CRISPLD2: variants seen among roughly 807,000 people sequenced by gnomAD.
CRISPLD2 encodes cysteine rich secretory protein LCCL domain containing 2.
Under a neutral mutation model 71.1 loss-of-function variants are expected in CRISPLD2, and 47 were observed. The observed-to-expected ratio is 0.66, with a 90% CI of 0.52 to 0.84. The LOEUF is 0.84. CRISPLD2 is among the 40% of genes least tolerant of loss of function. The pLI, the probability that CRISPLD2 is intolerant of heterozygous loss-of-function variation, is 0.00. For missense variants in CRISPLD2, 830 were observed against 651.1 expected, an observed-to-expected ratio of 1.27 and a Z score of -2.99; for synonymous variants, 317 against 250.1, an observed-to-expected ratio of 1.27 and a Z score of -2.52.
intron 6 of CRISPLD2, 111 bp from the exon 7 acceptor site, chr16:84,866,786 G>C (rs1352619192): frequency 9.5e-7 from 1 of 1,056,884 alleles, no homozygotes; most frequent in Admixed American, 2.2e-5. Flanking sequence ...ATGATTCTTT[G>C]TAAAACCAAA....
At chr16:84,877,816 C>T (rs1363011471) in intron 12 of CRISPLD2, among the ~76,000 whole-genome samples, 1 of 152,022 alleles carries the variant, frequency 6.6e-6, no homozygotes. Context: ...CGCCATTGTC[C>T]TCCAGCCTGG....
At chr16:84,885,226 C>T (rs936004193) in intron 13 of CRISPLD2, among the ~76,000 whole-genome samples, 28 of 152,084 alleles carry the variant, frequency 1.8e-4, no homozygotes, top group African/African-American at 6.8e-4. Flanking sequence ...CCGGAAAGAA[C>T]AATGAGCTTA....
intron 1 of CRISPLD2, among the ~76,000 whole-genome samples, chr16:84,837,498 G>C (rs1051694721): frequency 3.3e-5 from 5 of 150,280 alleles, no homozygotes; most frequent in African/African-American, 1.2e-4. Flanking sequence ...CTCACTGCAA[G>C]CTCCGCCTCC....
At chr16:84,868,458 C>T (rs546820883) in intron 7 of CRISPLD2, among the ~76,000 whole-genome samples, 2 of 152,294 alleles carry the variant, frequency 1.3e-5, no homozygotes, top group African/African-American at 4.8e-5. Context: ...AGCATCCTCC[C>T]TACCCTCTCA....
chr16:84,904,628 A>T (rs2071785768), intron 14 of CRISPLD2, among the ~76,000 whole-genome samples: 6 of 152,084 alleles, frequency 3.9e-5, no homozygotes. Context: ...TTAAAAAAAA[A>T]AATGATTGGA....
intron 13 of CRISPLD2, among the ~76,000 whole-genome samples, chr16:84,881,340 A>G (rs1030496282): frequency 6.6e-6 from 1 of 152,230 alleles, no homozygotes; most frequent in Non-Finnish European, 1.5e-5. Context: ...CTCTGGTTAT[A>G]CCAATCTCTT....
intron 7 of CRISPLD2, among the ~76,000 whole-genome samples, chr16:84,867,447 G>A (rs1032956736): frequency 2.6e-5 from 4 of 152,172 alleles, no homozygotes; most frequent in African/African-American, 4.8e-5. Flanking sequence ...CTCAGTTGGC[G>A]CATCCATGAA....
At chr16:84,864,137 C>T (rs944455532) in intron 6 of CRISPLD2, among the ~76,000 whole-genome samples, 1 of 152,078 alleles carries the variant, frequency 6.6e-6, no homozygotes, top group Admixed American at 6.6e-5. Flanking sequence ...TAAACAATGC[C>T]CTGAGACCCT....
At chr16:84,826,698 C>T (rs1238839033) in intron 1 of CRISPLD2, among the ~76,000 whole-genome samples, 1 of 152,232 alleles carries the variant, frequency 6.6e-6, no homozygotes, top group African/African-American at 2.4e-5. Context: ...CATCGCAGGA[C>T]AAAGTGCTCT....
chr16:84,841,714 G>C (rs1916777175), intron 2 of CRISPLD2, among the ~76,000 whole-genome samples: 1 of 151,982 alleles, frequency 6.6e-6, no homozygotes, highest in Admixed American at 6.6e-5. Context: ...TCCTGTCTCG[G>C]CCTCCCAAGT....
chr16:84,840,259 A>AG (rs1306686471), intron 2 of CRISPLD2, among the ~76,000 whole-genome samples: 3 of 152,158 alleles, frequency 2.0e-5, no homozygotes, highest in African/African-American at 7.2e-5. Flanking sequence ...TCGTGGCATG[A>AG]GGGTTGAGTG....
rs191429665 is a variant in CRISPLD2 at position 84,873,782 on chromosome 16, A to G, written c.1113-138A>G. On this transcript the variant is annotated intron_variant, in intron 10 of 14. Coordinates refer to ENST00000262424, the MANE Select transcript of CRISPLD2 (RefSeq NM_031476.4). ...GGTCTAGAACATTCTAAGAGCTCTC[A>G]GGCTGATAGGAAACAAGTAGAAAAG... 1,521 of 800,812 alleles carry G rather than the reference A, an allele frequency of 1.9e-3. 9 individuals carry two copies. The highest frequency in any genetic ancestry group is 2.5e-3 in the Non-Finnish European group (1,320 of 524,464). 49.6% of individuals were successfully genotyped at this position (800,812 alleles called of 1,614,324 possible). A position where few individuals can be genotyped will look rare whatever the true frequency, so the allele number is the denominator to read the frequency against.
At chr16:84,873,220 C>G (rs991961673) in intron 10 of CRISPLD2, 98 bp downstream of exon 10, 2 of 1,397,776 alleles carry the variant, frequency 1.4e-6, no homozygotes, top group Non-Finnish European at 1.9e-6. Context: ...GGCGTGGTGG[C>G]TCACACCTGC....
intron 11 of CRISPLD2, among the ~76,000 whole-genome samples, chr16:84,876,846 T>G (rs776368167): frequency 1.3e-5 from 2 of 152,212 alleles, no homozygotes; most frequent in African/African-American, 2.4e-5. Context: ...AATAAAGACA[T>G]GCTGTCAGAG....
intron 1 of CRISPLD2, among the ~76,000 whole-genome samples, chr16:84,833,937 G>GC (rs1203161063): frequency 6.6e-6 from 1 of 152,150 alleles, no homozygotes; most frequent in Non-Finnish European, 1.5e-5. Flanking sequence ...TGGTTTGGGA[G>GC]CCCCCTTCCC....
intron 6 of CRISPLD2, among the ~76,000 whole-genome samples, chr16:84,859,746 A>T (rs1325929446): frequency 6.6e-6 from 1 of 152,030 alleles, no homozygotes; most frequent in Non-Finnish European, 1.5e-5. Context: ...CAATGACAGG[A>T]CTCTACACGA....
At chr16:84,877,217 A>G (rs1484879751) in intron 11 of CRISPLD2, among the ~76,000 whole-genome samples, 1 of 152,144 alleles carries the variant, frequency 6.6e-6, no homozygotes, top group Non-Finnish European at 1.5e-5. Flanking sequence ...GGGGGTGACA[A>G]CGCCCTCAAC....
intron 5 of CRISPLD2, among the ~76,000 whole-genome samples, chr16:84,854,057 C>T (rs1470119685): frequency 2.0e-5 from 3 of 152,220 alleles, no homozygotes; most frequent in East Asian, 1.9e-4. Context: ...GCAACTGTGA[C>T]CCAAGAGGGA....
intron 14 of CRISPLD2, among the ~76,000 whole-genome samples, chr16:84,903,820 G>T (rs985597341): frequency 6.6e-6 from 1 of 152,160 alleles, no homozygotes; most frequent in Non-Finnish European, 1.5e-5. Flanking sequence ...AACGAACAGG[G>T]AGGTGTTTGT....
Sources: allele counts gnomAD v4.1 joint callset (sites outside exome capture counted in the v4.1 genomes callset), GRCh38; gene constraint gnomAD v4.1.1; transcripts MANE v1.5; gene names NCBI Gene and HGNC (gene_info 2026-07-23, HGNC 2026-07-21).